Variants in BRINP3 observed in about 807,000 individuals in gnomAD.
BRINP3 encodes the protein BMP/retinoic acid inducible neural specific 3, also known as BMP/retinoic acid-inducible neural-specific protein 3.
In BRINP3, 19 loss-of-function variants were observed where a neutral mutation model predicts 71.0. That is an observed-to-expected ratio of 0.27 (90% CI 0.19 to 0.39). BRINP3 has a LOEUF of 0.39. BRINP3 is among the 10% of genes least tolerant of loss of function. The pLI, the probability that BRINP3 is intolerant of heterozygous loss-of-function variation, is 1.00. For synonymous variants in BRINP3, 380 were observed against 337.7 expected (o/e 1.13, Z -1.37); for missense variants, 959 against 940.8 (o/e 1.02, Z -0.25).
intron 2 of BRINP3, among the ~76,000 whole-genome samples, chr1:190,432,046 A>G (rs1229658008): frequency 1.3e-5 from 2 of 152,202 alleles, no homozygotes; most frequent in Admixed American, 6.5e-5. Context: ...GTTAACAAAC[A>G]TGTTCATATA....
At chr1:190,235,758 T>C (rs1045123822) in intron 4 of BRINP3, among the ~76,000 whole-genome samples, 1 of 152,038 alleles carries the variant, frequency 6.6e-6, no homozygotes, top group Non-Finnish European at 1.5e-5. Flanking sequence ...CTCTTGGGAC[T>C]ACTTGGACTA....
intron 2 of BRINP3, among the ~76,000 whole-genome samples, chr1:190,307,040 G>GGAGCACATAT (rs1297690527): frequency 6.6e-6 from 1 of 151,684 alleles, no homozygotes; most frequent in East Asian, 1.9e-4. Context: ...AAACTCTTGA[G>GGAGCACATAT]TGTCTACTGA....
intron 1 of BRINP3, among the ~76,000 whole-genome samples, chr1:190,456,956 G>T (rs1002338393): frequency 2.0e-5 from 3 of 151,992 alleles, no homozygotes; most frequent in Non-Finnish European, 4.4e-5. Flanking sequence ...ATGTGAACAA[G>T]AATATTATTG....
At chr1:190,186,706 C>T (rs1365232790) in intron 6 of BRINP3, among the ~76,000 whole-genome samples, 8 of 152,002 alleles carry the variant, frequency 5.3e-5, no homozygotes, top group Admixed American at 2.0e-4. Flanking sequence ...GTTAATTAAA[C>T]TCAGTTTACT....
At chr1:190,443,780 G>A (rs1325079127) in intron 2 of BRINP3, among the ~76,000 whole-genome samples, 1 of 152,148 alleles carries the variant, frequency 6.6e-6, no homozygotes, top group African/African-American at 2.4e-5. Context: ...TTTGGGGCTT[G>A]GAAACCAACC....
intron 6 of BRINP3, among the ~76,000 whole-genome samples, chr1:190,169,346 A>G (rs1651817803): frequency 1.3e-5 from 2 of 152,140 alleles, no homozygotes; most frequent in Admixed American, 1.3e-4. Flanking sequence ...GACTTCAGTG[A>G]TCTGTATTGG....
At chr1:190,458,466 T>G (rs1184133877) in intron 1 of BRINP3, among the ~76,000 whole-genome samples, 4 of 152,072 alleles carry the variant, frequency 2.6e-5, no homozygotes, top group African/African-American at 4.8e-5. Context: ...GTAATTAAAC[T>G]CAATATTCAC....
intron 2 of BRINP3, among the ~76,000 whole-genome samples, chr1:190,303,835 G>T (rs1571690768): frequency 6.6e-6 from 1 of 151,256 alleles, no homozygotes; most frequent in Admixed American, 6.6e-5. Flanking sequence ...CTAATTACAG[G>T]GTTAGATAAA....
intron 7 of BRINP3, among the ~76,000 whole-genome samples, chr1:190,150,447 G>C (rs1656290766): frequency 6.6e-6 from 1 of 152,118 alleles, no homozygotes; most frequent in Non-Finnish European, 1.5e-5. Flanking sequence ...TACCAAATTA[G>C]TCATTAGATT....
chr1:190,395,875 A>C (rs758122152), intron 2 of BRINP3, among the ~76,000 whole-genome samples: 4 of 151,880 alleles, frequency 2.6e-5, no homozygotes, highest in Non-Finnish European at 5.9e-5. Flanking sequence ...TTTCCTTCTT[A>C]GTACTTTTCA....
At chr1:190,230,221 GGAAA>G (rs770574683) in intron 5 of BRINP3, among the ~76,000 whole-genome samples, 3 of 151,032 alleles carry the variant, frequency 2.0e-5, no homozygotes, top group East Asian at 3.9e-4. Flanking sequence ...CAGAATGAGA[GGAAA>G]GAAAGGAAAT....
intron 3 of BRINP3, among the ~76,000 whole-genome samples, chr1:190,267,846 A>G (rs879325705): frequency 3.9e-5 from 6 of 152,138 alleles, no homozygotes; most frequent in African/African-American, 9.6e-5. Context: ...AAAAATTAAC[A>G]TACCCAAATA....
chr1:190,312,864 A>G (rs1665629692), intron 2 of BRINP3, among the ~76,000 whole-genome samples: 1 of 151,816 alleles, frequency 6.6e-6, no homozygotes, highest in Non-Finnish European at 1.5e-5. Flanking sequence ...ATCTTTGCCA[A>G]TTTGTGGTTA....
chr1:190,293,967 C>CT (rs1172180584), intron 2 of BRINP3, among the ~76,000 whole-genome samples: 2 of 151,606 alleles, frequency 1.3e-5, no homozygotes, highest in South Asian at 2.1e-4. Flanking sequence ...GCTTTTTGTT[C>CT]TTTTTTAATT....
Position 190,307,266 on chromosome 1 carries a change from T to G in BRINP3, c.237-25516A>C, listed in dbSNP as rs962203904. On this transcript the variant is annotated intron_variant, in intron 2 of 7. Transcript: ENST00000367462. Reference sequence around the variant, plus strand: ...TCCTCATTTAAAACATTGTTTTTTTTTTTTTTTTTTTTTTTTTTTTGAGAC... The same window carrying G: ...TCCTCATTTAAAACATTGTTTTTTTGTTTTTTTTTTTTTTTTTTTTGAGAC... Among the ~76,000 whole-genome samples the G allele has an allele frequency of 4.9e-5, 6 of 121,376 alleles. No homozygotes were observed. In the South Asian group the frequency reaches 9.1e-4, roughly 18 times the overall value. The allele number at this position is 121,376 out of a possible 152,430, so 79.6% of individuals were successfully genotyped here.
chr1:190,114,107 T>C (rs527810358), intron 7 of BRINP3, among the ~76,000 whole-genome samples: 17 of 152,210 alleles, frequency 1.1e-4, no homozygotes, highest in Non-Finnish European at 2.4e-4. Flanking sequence ...GGGGCAGAGT[T>C]CTCATGAATG....
chr1:190,422,499 A>T (rs559832365), intron 2 of BRINP3, among the ~76,000 whole-genome samples: 5 of 151,854 alleles, frequency 3.3e-5, no homozygotes, highest in Non-Finnish European at 5.9e-5. Context: ...AGGGAAGTCA[A>T]CATGAAAGAT....
chr1:190,120,641 C>T (rs2102315596), intron 7 of BRINP3, among the ~76,000 whole-genome samples: 1 of 151,128 alleles, frequency 6.6e-6, no homozygotes, highest in Admixed American at 6.6e-5. Flanking sequence ...ATTACAGGCA[C>T]CAGCCACCAC....
intron 4 of BRINP3, among the ~76,000 whole-genome samples, chr1:190,246,524 C>A (rs889910633): frequency 6.6e-6 from 1 of 151,852 alleles, no homozygotes; most frequent in Admixed American, 6.6e-5. Flanking sequence ...AAAAATCAGA[C>A]AGGAGAAAAA....
Sources: gnomAD v4.1 joint callset for allele counts (sites outside exome capture counted in the v4.1 genomes callset) on GRCh38, gnomAD v4.1.1 for gene constraint, MANE v1.5 for transcripts, NCBI Gene and HGNC (gene_info 2026-07-23, HGNC 2026-07-21) for gene names.